The following PHF21A variants were observed in gnomAD, a reference collection of about 807,000 sequenced individuals.
PHF21A encodes BHC80a.
PHF21A carries 11 observed loss-of-function variants against 82.5 expected under a neutral mutation model. The observed-to-expected ratio is 0.13, with a 90% confidence interval of 0.08 to 0.22. The LOEUF (loss-of-function observed/expected upper bound fraction) is 0.22, where lower values mean the gene tolerates loss of function less well. Ranked by LOEUF, PHF21A falls within the 10% of genes least tolerant of loss-of-function variation. The pLI is 1.00. For synonymous variants in PHF21A, 297 were observed against 302.8 expected, an observed-to-expected ratio of 0.98 and a Z score of 0.20; for missense variants, 579 against 837.8, an observed-to-expected ratio of 0.69 and a Z score of 3.81.
chr11:45,936,817 G>C, intron 16 of PHF21A: 1 of 437,348 alleles, frequency 2.3e-6, no homozygotes, highest in Non-Finnish European at 4.1e-6. Flanking sequence ...CTGGGACTTG[G>C]CTGAGCATTC....
At chr11:46,079,728 GAAC>G (rs2096767346) in intron 4 of PHF21A, among the ~76,000 whole-genome samples, 1 of 152,080 alleles carries the variant, frequency 6.6e-6, no homozygotes, top group Non-Finnish European at 1.5e-5. Flanking sequence ...GGAAGTGCAG[GAAC>G]AATACAAAAC....
chr11:45,997,891 G>A (rs949039864), intron 6 of PHF21A, among the ~76,000 whole-genome samples: 7 of 152,048 alleles, frequency 4.6e-5, no homozygotes, highest in Non-Finnish European at 8.8e-5. Flanking sequence ...CAATCAACTC[G>A]AGTCAGACCT....
intron 6 of PHF21A, among the ~76,000 whole-genome samples, chr11:46,005,975 AC>A (rs1292683174): frequency 2.6e-5 from 4 of 152,216 alleles, no homozygotes; most frequent in African/African-American, 9.6e-5. Flanking sequence ...TTTGGAGCCT[AC>A]AAATGCCTGT....
intron 4 of PHF21A, among the ~76,000 whole-genome samples, chr11:46,083,240 G>A (rs987896701): frequency 8.6e-5 from 13 of 151,806 alleles, no homozygotes; most frequent in African/African-American, 2.2e-4. Context: ...ACTCTGCAGC[G>A]GAACAAGAGT....
intron 6 of PHF21A, among the ~76,000 whole-genome samples, chr11:46,007,610 C>G (rs1401768041): frequency 6.6e-6 from 1 of 152,064 alleles, no homozygotes; most frequent in African/African-American, 2.4e-5. Flanking sequence ...CCACCGTGCC[C>G]GGCCCCATCT....
chr11:46,022,830 T>C (rs1323673443), intron 6 of PHF21A, among the ~76,000 whole-genome samples: 2 of 152,150 alleles, frequency 1.3e-5, no homozygotes, highest in Non-Finnish European at 2.9e-5. Flanking sequence ...TTACCCAGGC[T>C]GGAGTGCAGT....
In PHF21A at chr11:46,054,034, C is replaced by T. The variant is rs192185367; in HGVS notation, c.153+22720G>A. Among the ~76,000 whole-genome samples, 120 of 152,142 alleles carry T rather than the reference C, an allele frequency of 7.9e-4. 1 individual carries two copies. Among genetic ancestry groups the T allele is most frequent in the Non-Finnish European group, 4.0e-4 (27 of 67,976 alleles). ...TCGCCACAAGCTTTTTCACAAGCAA[C>T]GTCGTGGCAGTGGAGGAAGAAAGTT... On this transcript the variant is annotated intron_variant, in intron 6 of 18. Transcript: ENST00000676320.
chr11:46,016,000 T>C (rs1267540160), intron 6 of PHF21A, among the ~76,000 whole-genome samples: 1 of 152,204 alleles, frequency 6.6e-6, no homozygotes, highest in African/African-American at 2.4e-5. Context: ...AACACAGTCA[T>C]TTATTATTAT....
chr11:46,007,316 CTTCT>C (rs1400623073), intron 6 of PHF21A, among the ~76,000 whole-genome samples: 2 of 151,386 alleles, frequency 1.3e-5, no homozygotes, highest in Non-Finnish European at 2.9e-5. Context: ...TTTTCTTCTT[CTTCT>C]TTTTTTTTTT....
intron 6 of PHF21A, among the ~76,000 whole-genome samples, chr11:45,985,970 T>C (rs1467033639): frequency 6.6e-6 from 1 of 152,122 alleles, no homozygotes. Context: ...AAGTTTAAAA[T>C]TCTCTGCATG....
rs1046611714 is a variant in PHF21A at position 45,930,253 on chromosome 11, G to A, written c.*3715C>T. 2.0e-5 allele frequency: 3 copies of A among 152,428 alleles called. No individual in the cohort carries two copies. The highest frequency in any genetic ancestry group is 2.1e-4 in the South Asian group (1 of 4,830). 9.4% of individuals were successfully genotyped at this position (152,428 alleles called of 1,614,324 possible). A position where few individuals can be genotyped will look rare whatever the true frequency, so the allele number is the denominator to read the frequency against. The stretch of plus-strand genomic sequence containing the variant: ...CAGCCGTGCATGCGGAGACGGAAGC[G>A]TGCTGCAGACACGGTCACCCTCACG... On this transcript the variant is annotated 3_prime_UTR_variant, in exon 19 of 19. Transcript: ENST00000676320.
At chr11:45,982,430 C>T (rs1288776093) in intron 6 of PHF21A, among the ~76,000 whole-genome samples, 2 of 151,990 alleles carry the variant, frequency 1.3e-5, no homozygotes, top group Non-Finnish European at 2.9e-5. Flanking sequence ...TTTGCAGAAA[C>T]TATCTGCAGA....
intron 6 of PHF21A, among the ~76,000 whole-genome samples, chr11:46,073,497 C>A (rs1432960936): frequency 6.6e-6 from 1 of 151,902 alleles, no homozygotes; most frequent in Non-Finnish European, 1.5e-5. Context: ...ATCCTAAAAG[C>A]GAAACGTAAT....
chr11:45,985,607 A>T (rs2094464218), intron 6 of PHF21A, among the ~76,000 whole-genome samples: 1 of 152,252 alleles, frequency 6.6e-6, no homozygotes, highest in African/African-American at 2.4e-5. Context: ...AAGCTATAAA[A>T]ATATACTTAG....
intron 9 of PHF21A, among the ~76,000 whole-genome samples, chr11:45,967,421 G>A (rs982536281): frequency 6.6e-6 from 1 of 152,110 alleles, no homozygotes. Flanking sequence ...TGGGCTTGAG[G>A]GGACCCCATG....
intron 6 of PHF21A, among the ~76,000 whole-genome samples, chr11:46,006,307 G>A (rs1440262707): frequency 6.6e-6 from 1 of 152,214 alleles, no homozygotes; most frequent in Admixed American, 6.5e-5. Flanking sequence ...AAAAAACCAT[G>A]AGAAATCAGT....
intron 1 of PHF21A, among the ~76,000 whole-genome samples, chr11:46,103,647 A>G (rs1199460186): frequency 6.6e-6 from 1 of 152,236 alleles, no homozygotes; most frequent in Non-Finnish European, 1.5e-5. Flanking sequence ...AAAAGTTAAT[A>G]GGAGCCATTA....
chr11:46,000,924 AAAATAAAT>A (rs534848999), intron 6 of PHF21A, among the ~76,000 whole-genome samples: 13 of 151,664 alleles, frequency 8.6e-5, no homozygotes, highest in African/African-American at 2.2e-4. Context: ...CCGTCTCAAA[AAAATAAAT>A]AAATAAATAA....
chr11:46,006,048 TA>T lies in PHF21A; in HGVS notation c.154-26083del, dbSNP rs1209572131. 2.6e-5 allele frequency among the ~76,000 whole-genome samples: 4 copies of T among 152,226 alleles called. No individual in the cohort carries two copies. In the East Asian group the frequency reaches 7.7e-4, roughly 29 times the overall value. On this transcript the variant is annotated intron_variant, in intron 6 of 18. Transcript: ENST00000676320. ...TCTAATATAAAACAGTCTTTGTAGA[TA>T]AAAAATAATTCAAATTCAGACAAGA...
Sources: allele counts gnomAD v4.1 joint callset (sites outside exome capture counted in the v4.1 genomes callset), GRCh38; gene constraint gnomAD v4.1.1; transcripts MANE v1.5; gene names NCBI Gene and HGNC (gene_info 2026-07-23, HGNC 2026-07-21).